C2: variants seen among roughly 807,000 people sequenced by gnomAD.
The protein encoded by C2 is C3/C5 convertase.
C2 carries 64 observed loss-of-function variants against 85.2 expected under a neutral mutation model. The ratio of observed to expected loss-of-function variants is 0.75; its 90% CI spans 0.61 to 0.92. C2 has a LOEUF of 0.92. Among genes scored for constraint, C2 ranks in the 40% least tolerant of loss-of-function variants. The pLI is 0.00. For synonymous variants in C2, 311 were observed against 370.8 expected, an observed-to-expected ratio of 0.84 and a Z score of 1.85; for missense variants, 820 against 971.6, an observed-to-expected ratio of 0.84 and a Z score of 2.07.
At chr6:31,927,389 A>G, upstream of C2, 4 of 692,132 alleles carry the variant, frequency 5.8e-6, no homozygotes, top group Non-Finnish European at 8.4e-6. The surrounding 1 kb of genome is among the most constrained non-coding windows in gnomAD (Gnocchi z 4.7). Flanking sequence ...AGCAAGGTGC[A>G]TGTGTGCACA....
upstream of C2, among the ~76,000 whole-genome samples, chr6:31,918,670 TG>T (rs1046590565): frequency 4.0e-5 from 6 of 149,998 alleles, no homozygotes; most frequent in Admixed American, 4.0e-4. Context: ...GAGGCCGAGG[TG>T]GGCGGATCAC....
intron 1 of C2, among the ~76,000 whole-genome samples, chr6:31,902,245 C>CA (rs1767390072): frequency 6.6e-6 from 1 of 151,606 alleles, no homozygotes; most frequent in East Asian, 1.9e-4. Context: ...CTCTTTCTCG[C>CA]TCCCCCTCCT....
chr6:31,909,610 T>C (rs952610794), intron 1 of C2, among the ~76,000 whole-genome samples: 30 of 151,804 alleles, frequency 2.0e-4, no homozygotes, highest in African/African-American at 7.0e-4. Context: ...CCTCTTTTTT[T>C]TTTTTTGTAG....
intron 3 of C2, among the ~76,000 whole-genome samples, chr6:31,930,270 A>G (rs1334094551): frequency 6.6e-6 from 1 of 151,890 alleles, no homozygotes; most frequent in African/African-American, 2.4e-5. Flanking sequence ...TAGTAGGGAC[A>G]GGGTTTCTCC....
At chr6:31,932,060 G>C (rs1360741244) in intron 3 of C2, among the ~76,000 whole-genome samples, 2 of 130,220 alleles carry the variant, frequency 1.5e-5, no homozygotes, top group South Asian at 2.5e-4. Flanking sequence ...TCCCAGCAGG[G>C]GCGGCCGGGC....
At chr6:31,939,162 T>C in intron 8 of C2, 69 bp from the exon 9 acceptor site, 2 of 1,099,120 alleles carry the variant, frequency 1.8e-6, no homozygotes, top group Non-Finnish European at 2.8e-6. Context: ...CTAAATGCTT[T>C]CCTACTCTTC....
chr6:31,932,984 C>A (rs1047512386), intron 3 of C2, among the ~76,000 whole-genome samples: 1 of 152,228 alleles, frequency 6.6e-6, no homozygotes, highest in African/African-American at 2.4e-5. Context: ...GGCGTGGCGG[C>A]GCGCGCCTGC....
In C2 at chr6:31,943,526, G is replaced by A; in HGVS notation, c.1566G>A (p.Val522=). Reference sequence around the variant, plus strand: ...ACCACTCCCTGTGGAGGGTCAATGTGGGTAAGGCAGGGGATGCACCAGCCT... The same window carrying A: ...ACCACTCCCTGTGGAGGGTCAATGTAGGTAAGGCAGGGGATGCACCAGCCT... ...GNDHSLWRVN[V]GDPKSQWGKE... is the part of the protein sequence containing the mutation. Residue 522 remains valine (V), a splice_region_variant and synonymous_variant, in exon 12 of 18, where the codon GTG becomes GTA. Coordinates refer to ENST00000299367, the MANE Select transcript of C2 (RefSeq NM_000063.6). This position sits in a 1 kb window ranked among gnomAD's most constrained non-coding sequence, Gnocchi z 6.4. 1 of 1,612,342 alleles carries A rather than the reference G, an allele frequency of 6.2e-7. No homozygotes were observed. Among genetic ancestry groups the A allele is most frequent in the Non-Finnish European group, 8.5e-7 (1 of 1,179,420 alleles).
At chr6:31,902,433 G>A (rs1343820259) in intron 1 of C2, among the ~76,000 whole-genome samples, 1 of 152,060 alleles carries the variant, frequency 6.6e-6, no homozygotes, top group Non-Finnish European at 1.5e-5. Context: ...CTCGGCTGCG[G>A]GCGCTGCCAC....
At chr6:31,909,836 A>G (rs1432965045) in intron 1 of C2, among the ~76,000 whole-genome samples, 4 of 151,600 alleles carry the variant, frequency 2.6e-5, no homozygotes, top group Admixed American at 2.6e-4. Flanking sequence ...ACAAGCTTCA[A>G]TTTCTCCATA....
chr6:31,935,041 A>G lies in C2; in HGVS notation c.849+742A>G. ...TAAATAAAATAAAATAAAATAAAAT[A>G]AAATATGTGTGATAGAAGTTTGGAA... On this transcript the variant is annotated intron_variant, in intron 6 of 17. Transcript: ENST00000299367. The surrounding 1 kb of genome is among the most constrained non-coding windows in gnomAD (Gnocchi z 4.3). The G allele has an allele frequency of 6.6e-6, 6 of 911,626 alleles. No homozygotes were observed. The highest frequency in any genetic ancestry group is 7.8e-6 in the Non-Finnish European group (6 of 765,554). The allele number at this position is 911,626 out of a possible 1,614,324, so 56.5% of individuals were successfully genotyped here. A position where few individuals can be genotyped will look rare whatever the true frequency, so the allele number is the denominator to read the frequency against.
upstream of C2, among the ~76,000 whole-genome samples, chr6:31,899,313 C>G (rs1766999112): frequency 7.1e-6 from 1 of 141,814 alleles, no homozygotes; most frequent in African/African-American, 2.6e-5. Flanking sequence ...CCAATATCTA[C>G]CCAGGATGCG....
In C2 at chr6:31,933,716, C is replaced by A. The variant is rs759983742; in HGVS notation, c.549C>A (p.Leu183=). The A allele has an allele frequency of 1.2e-6, 2 of 1,613,386 alleles. No homozygotes were observed. The highest frequency in any genetic ancestry group is 1.7e-6 in the Non-Finnish European group (2 of 1,180,044). The stretch of plus-strand genomic sequence containing the variant: ...ATCGCTGCTCCTCGAATCTTGTGCT[C>A]ACGGGGTCTTCGGAGCGGGAGTGCC... ...VRYRCSSNLV[L]TGSSERECQG... The change falls in exon 4 of 18, where the codon CTC becomes CTA. Residue 183 remains leucine (L), a synonymous_variant. Coordinates refer to ENST00000299367, the MANE Select transcript of C2 (RefSeq NM_000063.6).
intron 1 of C2, among the ~76,000 whole-genome samples, chr6:31,905,974 C>T (rs2151702540): frequency 6.6e-6 from 1 of 152,130 alleles, no homozygotes; most frequent in East Asian, 1.9e-4. Context: ...GTATTTTAGG[C>T]TGTGGGCTTA....
intron 8 of C2, 120 bp downstream of exon 8, chr6:31,937,579 T>G: frequency 8.1e-7 from 1 of 1,232,476 alleles, no homozygotes; most frequent in Non-Finnish European, 1.2e-6. Flanking sequence ...TTTGTTTTTG[T>G]TTTTAGAGAT....
chr6:31,933,750 G>C lies in C2; in HGVS notation c.583G>C (p.Gly195Arg), dbSNP rs1464680465. ...TTCGGAGCGGGAGTGCCAGGGCAACGGGGTCTGGAGTGGAACGGAGCCCAT... is the reference window on the plus strand; with the variant it reads ...TTCGGAGCGGGAGTGCCAGGGCAACCGGGTCTGGAGTGGAACGGAGCCCAT... The part of the protein sequence containing the change: ...GSSERECQGN[G>R]VWSGTEPICR... The change falls in exon 4 of 18, where the codon GGG becomes CGG. Residue 195 changes from glycine (G) to arginine (R), a missense_variant. Transcript: ENST00000299367. The C allele has an allele frequency of 7.4e-6, 12 of 1,613,586 alleles. No individual in the cohort carries two copies.
chr6:31,931,249 C>T (rs1769711400), intron 3 of C2, among the ~76,000 whole-genome samples: 1 of 150,126 alleles, frequency 6.7e-6, no homozygotes, highest in African/African-American at 2.5e-5. Context: ...AGGAGTAAAG[C>T]TCTAGGAACA....
At position 31,935,889 on chromosome 6, in the gene C2, G is replaced by A. The variant is rs1770366064; in HGVS notation, c.850-34G>A. 2 of 1,611,526 alleles carry A rather than the reference G, an allele frequency of 1.2e-6. No homozygotes were observed. The highest frequency in any genetic ancestry group is 1.3e-5 in the African/African-American group (1 of 74,844). ...TTACCATCTCCCCTTTGGCTTCAGG[G>A]CCCTTTACGCTGCCTCTCACTTGCC... On this transcript the variant is annotated intron_variant, in intron 6 of 17. Coordinates refer to ENST00000299367, the MANE Select transcript of C2 (RefSeq NM_000063.6). The surrounding 1 kb of genome is among the most constrained non-coding windows in gnomAD (Gnocchi z 4.3).
chr6:31,906,425 C>T (rs929067720), intron 1 of C2, among the ~76,000 whole-genome samples: 7 of 151,866 alleles, frequency 4.6e-5, no homozygotes, highest in Admixed American at 3.9e-4. Flanking sequence ...TCTTCCCTCC[C>T]CCTCCTACCT....
Sources: gnomAD v4.1 joint callset for allele counts (sites outside exome capture counted in the v4.1 genomes callset) on GRCh38, gnomAD v4.1.1 for gene constraint, Gnocchi (gnomAD v3.1) non-coding constraint, MANE v1.5 for transcripts, NCBI Gene and HGNC (gene_info 2026-07-23, HGNC 2026-07-21) for gene names.